The following CCPG1 variants were observed in gnomAD, a reference collection of about 807,000 sequenced individuals.
CCPG1 encodes cell cycle progression 1.
In CCPG1, 46 loss-of-function variants were observed where a neutral mutation model predicts 81.3. The observed-to-expected ratio is 0.57, with a 90% CI of 0.45 to 0.72. The LOEUF is 0.72. CCPG1 is among the 30% of genes least tolerant of loss of function. CCPG1 has a pLI of 0.00. For synonymous variants in CCPG1, 330 were observed against 305.2 expected, an observed-to-expected ratio of 1.08 and a Z score of -0.85; for missense variants, 902 against 937.6, an observed-to-expected ratio of 0.96 and a Z score of 0.50.
At chr15:55,364,927 G>GA (rs1435872180) in intron 7 of CCPG1, among the ~76,000 whole-genome samples, 3 of 152,138 alleles carry the variant, frequency 2.0e-5, no homozygotes, top group Non-Finnish European at 4.4e-5. Context: ...GCTACCTTGA[G>GA]AAAGTCACTT....
At chr15:55,406,506 C>T (rs1456075763) in intron 1 of CCPG1, among the ~76,000 whole-genome samples, 4 of 135,664 alleles carry the variant, frequency 2.9e-5, no homozygotes, top group Non-Finnish European at 6.1e-5. Context: ...GGTTGGAGTG[C>T]GGTGGCCAGA....
At chr15:55,359,385 T>TC (rs2056144945) in intron 8 of CCPG1, 154 bp downstream of exon 8, 2 of 1,407,760 alleles carry the variant, frequency 1.4e-6, no homozygotes, top group Non-Finnish European at 1.8e-6. Flanking sequence ...ATTTTTAGAC[T>TC]CCATCTTTCA....
At chr15:55,363,799 C>CTTTTTTTTTTTTTTTTTTTTTTT (rs565044184) in intron 7 of CCPG1, among the ~76,000 whole-genome samples, 2 of 93,940 alleles carry the variant, frequency 2.1e-5, no homozygotes, top group African/African-American at 9.0e-5. Context: ...TTTCCTTTTC[C>CTTTTTTTTTTTTTTTTTTTTTTT]TTTTTTTTTT....
chr15:55,376,517 T>C (rs1268934973), intron 5 of CCPG1, among the ~76,000 whole-genome samples: 1 of 152,230 alleles, frequency 6.6e-6, no homozygotes, highest in African/African-American at 2.4e-5. Context: ...ACTCAATAAA[T>C]GTTTGTTGCA....
intron 1 of CCPG1, among the ~76,000 whole-genome samples, chr15:55,391,686 A>G (rs1033422526): frequency 2.6e-5 from 4 of 152,112 alleles, no homozygotes; most frequent in African/African-American, 9.7e-5. Flanking sequence ...TTGAGATACT[A>G]CATTAAAATG....
chr15:55,360,919 C>A lies in CCPG1; in HGVS notation c.854G>T (p.Cys285Phe). Reference sequence around the variant, plus strand: ...CTTCTCTGCTTCAGTAAGTGTCCAACACCTTGCAAGATTTTCTTTCAATGA... The same window carrying A: ...CTTCTCTGCTTCAGTAAGTGTCCAAAACCTTGCAAGATTTTCTTTCAATGA... ...YKSLKENLARCWTLTEAEKMS... is the reference protein window; with the variant it reads ...YKSLKENLARFWTLTEAEKMS... Residue 285 changes from cysteine to phenylalanine, a missense_variant, in exon 8 of 9, where the codon TGT (cysteine) becomes TTT (phenylalanine). Physicochemically the swap from Cys to Phe is radical, Grantham distance 205. Around this residue, in one of 3 missense-constraint regions of CCPG1, gnomAD observed 746 missense variants for 728.6 expected, o/e 1.02. Transcript: ENST00000442196. 1 of 1,549,930 alleles carries A rather than the reference C, an allele frequency of 6.5e-7. No individual in the cohort carries two copies. The highest frequency in any genetic ancestry group is 8.7e-7 in the Non-Finnish European group (1 of 1,153,696).
intron 8 of CCPG1, chr15:55,357,514 A>T: frequency 1.2e-6 from 1 of 807,018 alleles, no homozygotes; most frequent in Non-Finnish European, 1.5e-6. Flanking sequence ...CCTGTGGTCA[A>T]CTGTGGTCTG....
At position 55,377,006 on chromosome 15, in the gene CCPG1, C is replaced by T. The variant is rs1054877047; in HGVS notation, c.397G>A (p.Asp133Asn). The T allele has an allele frequency of 7.4e-6, 12 of 1,613,866 alleles. No homozygotes were observed. Among genetic ancestry groups the T allele is most frequent in the African/African-American group, 1.3e-5 (1 of 75,032 alleles). The change falls in exon 5 of 9, where the codon GAC becomes AAC. Residue 133 changes from aspartate (D) to asparagine (N), a missense_variant. Around this residue, in one of 3 missense-constraint regions of CCPG1, gnomAD observed 746 missense variants for 728.6 expected, o/e 1.02. Transcript: ENST00000442196. ...VIVEEAQSSE[D>N]FNMGSSSSSQ... ...CTAGAGGAAGAGCCCATGTTAAAGT[C>T]TTCTGAACTCTGTGCTTCTTCAACA...
In CCPG1 at chr15:55,391,239, C is replaced by T. The variant is rs183633198; in HGVS notation, c.-9-1806G>A. 2.5e-3 allele frequency among the ~76,000 whole-genome samples: 386 copies of T among 152,304 alleles called. 2 individuals are homozygous for T. Among genetic ancestry groups the T allele is most frequent in the African/African-American group, 8.9e-3 (368 of 41,568 alleles). On this transcript the variant is annotated intron_variant, in intron 1 of 8. Coordinates refer to ENST00000442196, the MANE Select transcript of CCPG1 (RefSeq NM_001204450.2). ...CCAAGCTCAATCGATCCTCCTGCCTCAGCCCCATAAGTAGATGGGCATGTG... is the reference window on the plus strand; with the variant it reads ...CCAAGCTCAATCGATCCTCCTGCCTTAGCCCCATAAGTAGATGGGCATGTG...
chr15:55,393,335 G>A (rs1203274517), intron 1 of CCPG1, among the ~76,000 whole-genome samples: 2 of 152,056 alleles, frequency 1.3e-5, no homozygotes, highest in Non-Finnish European at 2.9e-5. Flanking sequence ...AGCTACTTGG[G>A]AAGCCGAGGC....
chr15:55,399,655 A>G (rs894998566), intron 1 of CCPG1: 1 of 152,176 alleles, frequency 6.6e-6, no homozygotes, highest in African/African-American at 2.4e-5. Context: ...AGAAGCAAAT[A>G]TCTGTAACTC....
chr15:55,385,067 T>C (rs2056773080), intron 3 of CCPG1, among the ~76,000 whole-genome samples: 1 of 152,208 alleles, frequency 6.6e-6, no homozygotes, highest in Non-Finnish European at 1.5e-5. Context: ...ACAAAGTGTA[T>C]CTGAAAACCC....
intron 1 of CCPG1, among the ~76,000 whole-genome samples, chr15:55,395,278 G>A (rs1056433011): frequency 4.0e-5 from 6 of 149,890 alleles, no homozygotes; most frequent in Admixed American, 1.3e-4. Context: ...AATGTTGGGC[G>A]TGTACTACAA....
At chr15:55,362,503 A>G (rs977734784) in intron 7 of CCPG1, among the ~76,000 whole-genome samples, 5 of 152,198 alleles carry the variant, frequency 3.3e-5, no homozygotes. Flanking sequence ...GTATGAGAGA[A>G]AAGAAATTTC....
intron 7 of CCPG1, among the ~76,000 whole-genome samples, 186 bp downstream of exon 7, chr15:55,365,002 A>G (rs1324765111): frequency 6.6e-6 from 1 of 152,244 alleles, no homozygotes; most frequent in African/African-American, 2.4e-5. Flanking sequence ...TATTGTGAGA[A>G]TAAGAGAAAT....
intron 2 of CCPG1, 23 bp from the exon 3 acceptor site, chr15:55,385,737 C>T: frequency 2.3e-6 from 3 of 1,307,860 alleles, no homozygotes; most frequent in Non-Finnish European, 3.3e-6. Flanking sequence ...GATAATCTTT[C>T]AGTTATTTGC....
intron 7 of CCPG1, among the ~76,000 whole-genome samples, chr15:55,364,049 C>G (rs925243999): frequency 6.7e-6 from 1 of 150,184 alleles, no homozygotes; most frequent in African/African-American, 2.4e-5. Flanking sequence ...AGCAATCCAC[C>G]TACCTTGGCT....
At chr15:55,399,054 A>C (rs1448649711) in intron 1 of CCPG1, among the ~76,000 whole-genome samples, 1 of 152,194 alleles carries the variant, frequency 6.6e-6, no homozygotes, top group Non-Finnish European at 1.5e-5. Flanking sequence ...TGAAAGAAAG[A>C]AAACAAAAAC....
At chr15:55,380,979 T>C (rs1187668358) in intron 3 of CCPG1, among the ~76,000 whole-genome samples, 2 of 149,906 alleles carry the variant, frequency 1.3e-5, no homozygotes, top group African/African-American at 2.5e-5. Flanking sequence ...CTACTAAAAA[T>C]ACAAAAAATT....
Sources: allele counts gnomAD v4.1 joint callset (sites outside exome capture counted in the v4.1 genomes callset), GRCh38; gene constraint gnomAD v4.1.1; regional missense constraint gnomAD v4.1.1; transcripts MANE v1.5; gene names NCBI Gene and HGNC (gene_info 2026-07-23, HGNC 2026-07-21).